The following GSDME variants were observed in gnomAD, a reference collection of about 807,000 sequenced individuals.
GSDME encodes the protein gasdermin-E.
A neutral mutation model predicts 47.5 loss-of-function variants in GSDME; 44 were observed. The ratio of observed to expected loss-of-function variants is 0.93; its 90% confidence interval spans 0.73 to 1.19. The LOEUF is 1.19. GSDME is among the 50% of genes most tolerant of loss of function. The probability of loss-of-function intolerance (pLI) is 0.00; values close to 1 mark genes in which losing one functional copy is unlikely to be tolerated. For synonymous variants in GSDME, 258 were observed against 252.8 expected, an observed-to-expected ratio of 1.02 and a Z score of -0.20; for missense variants, 663 against 604.2, an observed-to-expected ratio of 1.10 and a Z score of -1.02.
chr7:24,791,100 T>C, the GSDME span, among the ~76,000 whole-genome samples: 1 of 152,118 alleles, frequency 6.6e-6, no homozygotes, highest in African/African-American at 2.4e-5. This position sits in a 1 kb window ranked among gnomAD's most constrained non-coding sequence, Gnocchi z 4.8. Context: ...CTCCCAGGTC[T>C]CAGGTGCTGC....
Position 24,721,092 on chromosome 7 carries a change from G to T in GSDME, c.405-1874C>A, listed in dbSNP as rs551644404. Among the ~76,000 whole-genome samples, 1 of 152,156 alleles carries T rather than the reference G, an allele frequency of 6.6e-6. No individual in the cohort carries two copies. Among genetic ancestry groups the T allele is most frequent in the African/African-American group, 2.4e-5 (1 of 41,424 alleles). Reference sequence around the variant, plus strand: ...AGATTGGAGGTTACCGGGGCTGCAGGGCTTCGCTGCCTGATGGCTGCAGAG... The same window carrying T: ...AGATTGGAGGTTACCGGGGCTGCAGTGCTTCGCTGCCTGATGGCTGCAGAG... On this transcript the variant is annotated intron_variant, in intron 3 of 9. Coordinates refer to ENST00000645220, the MANE Select transcript of GSDME (RefSeq NM_001127453.2). The surrounding 1 kb of genome is among the most constrained non-coding windows in gnomAD (Gnocchi z 4.1).
chr7:24,744,428 C>A lies in GSDME; in HGVS notation c.404+134G>T. ...AAAGAATGTGCTCCTCATGAAATTT[C>A]AACACAAGCGCATTCAATACATGTT... On this transcript the variant is annotated intron_variant, in intron 3 of 9. Transcript: ENST00000645220. The surrounding 1 kb of genome is among the most constrained non-coding windows in gnomAD (Gnocchi z 4.5). 1 of 1,027,982 alleles carries A rather than the reference C, an allele frequency of 9.7e-7. No individual in the cohort carries two copies. The highest frequency in any genetic ancestry group is 1.3e-5 in the South Asian group (1 of 76,000). 63.7% of individuals were successfully genotyped at this position (1,027,982 alleles called of 1,614,324 possible).
At chr7:24,707,147 C>A (rs900207391) in intron 7 of GSDME, 3 of 365,674 alleles carry the variant, frequency 8.2e-6, no homozygotes, top group African/African-American at 6.4e-5. Context: ...GATACCCAGG[C>A]TCTTTCGGCA....
intron 8 of GSDME, 41 bp downstream of exon 8, chr7:24,706,143 A>T (rs993269858): frequency 7.5e-6 from 12 of 1,609,356 alleles, no homozygotes; most frequent in Non-Finnish European, 9.4e-6. Flanking sequence ...AAGCATTTTA[A>T]AGCAGCAGCA....
At chr7:24,729,960 T>TG (rs1490733016) in intron 3 of GSDME, among the ~76,000 whole-genome samples, 2 of 152,116 alleles carry the variant, frequency 1.3e-5, no homozygotes, top group African/African-American at 4.8e-5. Context: ...GTCATGAGAC[T>TG]GGGGGAATGG....
At position 24,724,186 on chromosome 7, in the gene GSDME, A is replaced by G. The variant is rs925034669; in HGVS notation, c.405-4968T>C. On this transcript the variant is annotated intron_variant, in intron 3 of 9. Coordinates refer to ENST00000645220, the MANE Select transcript of GSDME (RefSeq NM_001127453.2). This position sits in a 1 kb window ranked among gnomAD's most constrained non-coding sequence, Gnocchi z 4.8. ...GATTGCCCAGTTCCAAAAAAAAAAA[A>G]AAGTATTTTAAAAAAAGGCCTTCTG... Among the ~76,000 whole-genome samples the G allele has an allele frequency of 5.9e-5, 9 of 151,958 alleles. No homozygotes were observed. Among genetic ancestry groups the G allele is most frequent in the African/African-American group, 1.5e-4 (6 of 41,332 alleles).
intron 2 of GSDME, among the ~76,000 whole-genome samples, chr7:24,748,686 T>G (rs2128065300): frequency 6.6e-6 from 1 of 152,316 alleles, no homozygotes; most frequent in Middle Eastern, 3.4e-3. Context: ...CTTCTCTTTC[T>G]TTTGCACATC....
the GSDME span, among the ~76,000 whole-genome samples, chr7:24,772,081 T>G: frequency 2.6e-4 from 40 of 152,306 alleles, no homozygotes; most frequent in African/African-American, 9.6e-4. This position sits in a 1 kb window ranked among gnomAD's most constrained non-coding sequence, Gnocchi z 4.5. Context: ...GGGATGGGAA[T>G]TCTCCCATTG....
chr7:24,784,674 C>T, the GSDME span, among the ~76,000 whole-genome samples: 1 of 147,208 alleles, frequency 6.8e-6, no homozygotes, highest in African/African-American at 2.6e-5. Flanking sequence ...ATTCTCTTGC[C>T]TCAGCCTCCC....
intron 2 of GSDME, among the ~76,000 whole-genome samples, chr7:24,747,557 A>C (rs1245656537): frequency 6.6e-6 from 1 of 152,256 alleles, no homozygotes; most frequent in African/African-American, 2.4e-5. Flanking sequence ...GTGTTCAAAA[A>C]GTTTCCATCC....
At position 24,716,363 on chromosome 7, in the gene GSDME, A is replaced by G. The variant is rs1201129681; in HGVS notation, c.697+891T>C. 11 of 152,090 alleles carry G rather than the reference A, an allele frequency of 7.2e-5. No homozygotes were observed. The highest frequency in any genetic ancestry group is 2.2e-4 in the African/African-American group (9 of 41,380). 9.4% of individuals were successfully genotyped at this position (152,090 alleles called of 1,614,324 possible). On this transcript the variant is annotated intron_variant, in intron 5 of 9. Coordinates refer to ENST00000645220, the MANE Select transcript of GSDME (RefSeq NM_001127453.2). This position sits in a 1 kb window ranked among gnomAD's most constrained non-coding sequence, Gnocchi z 4.5. ...TGAATCAAACCACAGACATATTACCATTTCATCCGTGAATGTTTCAGTGTA... is the reference window on the plus strand; with the variant it reads ...TGAATCAAACCACAGACATATTACCGTTTCATCCGTGAATGTTTCAGTGTA...
chr7:24,734,105 A>G (rs915789125), intron 3 of GSDME, among the ~76,000 whole-genome samples: 1 of 152,194 alleles, frequency 6.6e-6, no homozygotes, highest in Non-Finnish European at 1.5e-5. Context: ...TTTTGGAGAA[A>G]GTAAGGGAAG....
rs1258289068 is a variant in GSDME at position 24,712,680 on chromosome 7, T to C, written c.698-2292A>G. ...AGGGGAGGAAAAACATCTTTCCTTCTGCTCATCCTAGGTTCATGGCTGAGG... is the reference window on the plus strand; with the variant it reads ...AGGGGAGGAAAAACATCTTTCCTTCCGCTCATCCTAGGTTCATGGCTGAGG... On this transcript the variant is annotated intron_variant, in intron 5 of 9. Coordinates refer to ENST00000645220, the MANE Select transcript of GSDME (RefSeq NM_001127453.2). The surrounding 1 kb of genome is among the most constrained non-coding windows in gnomAD (Gnocchi z 4.4). Among the ~76,000 whole-genome samples the C allele has an allele frequency of 6.6e-5, 10 of 152,266 alleles. No homozygotes were observed. The East Asian group carries it at 1.7e-3, about 26-fold the overall frequency.
At position 24,754,473 on chromosome 7, in the gene GSDME, G is replaced by A. The variant is rs1584113196; in HGVS notation, c.-20+2923C>T. ...GCACTCCAGCCTGGGCAACAAGAGC[G>A]AAACTTTGTCTCAAAAAAAAAAAAA... On this transcript the variant is annotated intron_variant, in intron 1 of 9. Transcript: ENST00000645220. The surrounding 1 kb of genome is among the most constrained non-coding windows in gnomAD (Gnocchi z 5.0). Among the ~76,000 whole-genome samples the A allele has an allele frequency of 1.5e-5, 2 of 133,446 alleles. No individual in the cohort carries two copies. Among genetic ancestry groups the A allele is most frequent in the South Asian group, 2.3e-4 (1 of 4,264 alleles). 87.5% of individuals were successfully genotyped at this position (133,446 alleles called of 152,430 possible). A position where few individuals can be genotyped will look rare whatever the true frequency, so the allele number is the denominator to read the frequency against.
At position 24,700,863 on chromosome 7, in the gene GSDME, C is replaced by G. The variant is rs973227691; in HGVS notation, c.1258-1604G>C. Among the ~76,000 whole-genome samples, 11 of 152,330 alleles carry G rather than the reference C, an allele frequency of 7.2e-5. 1 individual carries two copies. The East Asian group carries it at 2.1e-3, about 29-fold the overall frequency. On this transcript the variant is annotated intron_variant, in intron 9 of 9. Coordinates refer to ENST00000645220, the MANE Select transcript of GSDME (RefSeq NM_001127453.2). ...CATGGCAGGCTCCCTGTCCTTACCA[C>G]CTGGTGGATGAGAGCTGTGCAGCAT...
At chr7:24,791,623 C>T in the GSDME span, among the ~76,000 whole-genome samples, 5 of 152,306 alleles carry the variant, frequency 3.3e-5, no homozygotes, top group South Asian at 2.1e-4. The surrounding 1 kb of genome is among the most constrained non-coding windows in gnomAD (Gnocchi z 4.8). Flanking sequence ...ATCTGATAAC[C>T]GGATCCATCT....
chr7:24,772,074 A>T, the GSDME span, among the ~76,000 whole-genome samples: 1 of 152,144 alleles, frequency 6.6e-6, no homozygotes, highest in Non-Finnish European at 1.5e-5. This position sits in a 1 kb window ranked among gnomAD's most constrained non-coding sequence, Gnocchi z 4.5. Context: ...CACGCCTGGG[A>T]TGGGAATTCT....
chr7:24,700,917 C>T (rs764047875), intron 9 of GSDME, among the ~76,000 whole-genome samples: 3 of 152,224 alleles, frequency 2.0e-5, no homozygotes, highest in Non-Finnish European at 4.4e-5. Context: ...TATCCACCAC[C>T]CCCTTTGCCC....
rs1027330382 is a variant in GSDME at position 24,735,604 on chromosome 7, A to T, written c.404+8958T>A. Among the ~76,000 whole-genome samples the T allele has an allele frequency of 1.1e-4, 17 of 151,970 alleles. No individual in the cohort carries two copies. The highest frequency in any genetic ancestry group is 3.9e-4 in the African/African-American group (16 of 41,358). On this transcript the variant is annotated intron_variant, in intron 3 of 9. Coordinates refer to ENST00000645220, the MANE Select transcript of GSDME (RefSeq NM_001127453.2). This position sits in a 1 kb window ranked among gnomAD's most constrained non-coding sequence, Gnocchi z 4.4. ...AAACCACATCTCTACTAAAAATACA[A>T]AAAAGTAGCCGGGCGTGGTGGTGGG...
Sources: gnomAD v4.1 joint callset for allele counts (sites outside exome capture counted in the v4.1 genomes callset) on GRCh38, gnomAD v4.1.1 for gene constraint, Gnocchi (gnomAD v3.1) non-coding constraint, MANE v1.5 for transcripts, NCBI Gene and HGNC (gene_info 2026-07-23, HGNC 2026-07-21) for gene names.